The following ABCC6 variants were observed in gnomAD, a reference collection of about 807,000 sequenced individuals.
The protein encoded by ABCC6 is ATP binding cassette subfamily C member 6, also known as ATP-binding cassette sub-family C member 6.
A neutral mutation model predicts 169.5 loss-of-function variants in ABCC6; 126 were observed. That is an observed-to-expected ratio of 0.74 (90% CI 0.64 to 0.86). ABCC6 has a LOEUF of 0.86. ABCC6 is among the 40% of genes least tolerant of loss of function. The probability of loss-of-function intolerance (pLI) is 0.00; values close to 1 mark genes in which losing one functional copy is unlikely to be tolerated. For missense variants in ABCC6, 1,733 were observed against 1,927.2 expected (o/e 0.90, Z 1.89); for synonymous variants, 752 against 814.7 (o/e 0.92, Z 1.31).
Position 16,150,693 on chromosome 16 carries a change from C to G in ABCC6, c.4288G>C (p.Ala1430Pro). Reference sequence around the variant, plus strand: ...AGCTCCGTGCCAGGGTCCACGGCAGCAGTAGCCTCGTCCAGGATGAGGATC... The same window carrying G: ...AGCTCCGTGCCAGGGTCCACGGCAGGAGTAGCCTCGTCCAGGATGAGGATC... ...TQILILDEAT[A>P]AVDPGTELQM... The change falls in exon 30 of 31, where the codon GCT becomes CCT. Residue 1430 changes from alanine to proline, a missense_variant. Transcript: ENST00000205557. 1 of 1,613,824 alleles carries G rather than the reference C, an allele frequency of 6.2e-7. No individual in the cohort carries two copies. The highest frequency in any genetic ancestry group is 8.5e-7 in the Non-Finnish European group (1 of 1,179,974).
chr16:16,175,749 G>T, intron 20 of ABCC6, 162 bp downstream of exon 20: 1 of 260,090 alleles, frequency 3.8e-6, no homozygotes, highest in Non-Finnish European at 5.7e-6. Flanking sequence ...GACCAATTTT[G>T]GTAAATTATC....
rs1231156562 is a variant in ABCC6 at position 16,182,542 on chromosome 16, G to T, written c.2117C>A (p.Ser706Tyr). 1 of 1,614,046 alleles carries T rather than the reference G, an allele frequency of 6.2e-7. No individual in the cohort carries two copies. Among genetic ancestry groups the T allele is most frequent in the Non-Finnish European group, 8.5e-7 (1 of 1,179,948 alleles). Residue 706 changes from serine (S) to tyrosine (Y), a missense_variant, in exon 17 of 31, where the codon TCT becomes TAT. Around this residue, in one of 5 missense-constraint regions of ABCC6, gnomAD observed 1,601 missense variants for 1,635.5 expected, o/e 0.98. Coordinates refer to ENST00000205557, the MANE Select transcript of ABCC6 (RefSeq NM_001171.6). The stretch of plus-strand genomic sequence containing the variant: ...CCCGAAGCACACATTCTCTACCACA[G>T]AGGTGTTCTGCACCCAGGCCTCCTG... ...VPQEAWVQNT[S>Y]VVENVCFGQE...
chr16:16,177,706 G>A (rs2047328437), intron 18 of ABCC6, 80 bp from the exon 19 acceptor site: 2 of 1,541,564 alleles, frequency 1.3e-6, no homozygotes, highest in Non-Finnish European at 1.8e-6. Context: ...ACTTTGGGAA[G>A]CCAAAGCATG....
chr16:16,222,819 A>G (rs2049118072), intron 1 of ABCC6, among the ~76,000 whole-genome samples: 2 of 152,124 alleles, frequency 1.3e-5, no homozygotes, highest in Non-Finnish European at 2.9e-5. Flanking sequence ...CGGCTGTGCA[A>G]ACTTTAACCT....
Position 16,192,852 on chromosome 16 carries a change from G to A in ABCC6, c.1409C>T (p.Ser470Phe). ...AACCTGATGGTGGTTCCTTTTCTTG[G>A]AGATGAAGAAATTCAGAGGGAGGAG... is the stretch of plus-strand genomic sequence containing the variant. ...LSLLPLNFFISKKRNHHQEEQ... is the reference protein window; with the variant it reads ...LSLLPLNFFIFKKRNHHQEEQ... The change falls in exon 11 of 31, where the codon TCC (serine) becomes TTC (phenylalanine). Residue 470 changes from serine to phenylalanine, a missense_variant. Ser to Phe is a radical substitution (Grantham distance 155, BLOSUM62 -2). Coordinates refer to ENST00000205557, the MANE Select transcript of ABCC6 (RefSeq NM_001171.6). 1 of 1,614,122 alleles carries A rather than the reference G, an allele frequency of 6.2e-7. No homozygotes were observed. The highest frequency in any genetic ancestry group is 8.5e-7 in the Non-Finnish European group (1 of 1,180,008).
chr16:16,189,601 A>G (rs925455030), intron 12 of ABCC6, among the ~76,000 whole-genome samples: 1 of 152,000 alleles, frequency 6.6e-6, no homozygotes. Flanking sequence ...TATTTTTAGT[A>G]GAGACAGGGT....
At position 16,150,151 on chromosome 16, in the gene ABCC6, C is replaced by T; in HGVS notation, c.4494G>A (p.Gln1498=). 6.2e-7 allele frequency: 1 copy of T among 1,612,814 alleles called. No individual in the cohort carries two copies. The highest frequency in any genetic ancestry group is 8.5e-7 in the Non-Finnish European group (1 of 1,180,012). The change falls in exon 31 of 31, where the codon CAG becomes CAA. Residue 1498 remains glutamine, a synonymous_variant. Transcript: ENST00000205557. ...AQKGLFYRLA[Q]ESGLV is the part of the protein sequence containing the mutation. The stretch of plus-strand genomic sequence containing the variant: ...TCCTGGCTCAGACCAGGCCTGACTC[C>T]TGGGCCAGTCTGTAAAACAGGCCCT...
chr16:16,184,781 C>G (rs928949118), intron 15 of ABCC6, among the ~76,000 whole-genome samples, 178 bp downstream of exon 15: 1 of 152,108 alleles, frequency 6.6e-6, no homozygotes. Flanking sequence ...CAGGTCCCCA[C>G]CTTCAGGAGG....
At chr16:16,174,177 G>A (rs150887443) in intron 20 of ABCC6, among the ~76,000 whole-genome samples, 9 of 152,168 alleles carry the variant, frequency 5.9e-5, no homozygotes, top group East Asian at 3.9e-4. Context: ...GGTTTTCCCC[G>A]TACATAGTGA....
Position 16,198,537 on chromosome 16 carries a change from G to T in ABCC6, c.1177-355C>A, listed in dbSNP as rs534352838. ...CACAGCCATGAATGGTACCAAGCAGGCACTACCATATTCATTCCCTCTAAT... is the reference window on the plus strand; with the variant it reads ...CACAGCCATGAATGGTACCAAGCAGTCACTACCATATTCATTCCCTCTAAT... On this transcript the variant is annotated intron_variant, in intron 9 of 30. Coordinates refer to ENST00000205557, the MANE Select transcript of ABCC6 (RefSeq NM_001171.6). 2.0e-4 allele frequency among the ~76,000 whole-genome samples: 31 copies of T among 152,088 alleles called. No individual in the cohort carries two copies. In the East Asian group the frequency reaches 5.6e-3, roughly 27 times the overall value.
intron 17 of ABCC6, among the ~76,000 whole-genome samples, chr16:16,179,375 AT>A (rs1236433082): frequency 6.6e-6 from 1 of 151,770 alleles, no homozygotes; most frequent in Admixed American, 6.6e-5. Flanking sequence ...TTTAGTTTTC[AT>A]TGATATGTAA....
intron 7 of ABCC6, among the ~76,000 whole-genome samples, chr16:16,208,475 C>T (rs971259645): frequency 5.3e-5 from 8 of 151,842 alleles, no homozygotes; most frequent in Admixed American, 1.3e-4. Context: ...TGGGTTCAAA[C>T]GATTCTCCTG....
chr16:16,150,864 C>G (rs1332182698), intron 29 of ABCC6, 92 bp from the exon 30 acceptor site: 27 of 1,549,390 alleles, frequency 1.7e-5, no homozygotes, highest in Non-Finnish European at 8.7e-7. Context: ...TGAAGCAGTG[C>G]AGGAGTGAGG....
chr16:16,205,657 C>T (rs2048371614), intron 7 of ABCC6, among the ~76,000 whole-genome samples: 1 of 152,084 alleles, frequency 6.6e-6, no homozygotes, highest in South Asian at 2.1e-4. Flanking sequence ...CATCCCTGCC[C>T]ACCCTTTCCT....
At chr16:16,190,490 CCT>C in intron 11 of ABCC6, 123 bp from the exon 12 acceptor site, 1 of 984,492 alleles carries the variant, frequency 1.0e-6, no homozygotes, top group Non-Finnish European at 1.6e-6. Flanking sequence ...AACCTGTCTG[CCT>C]CTCAGCACCT....
chr16:16,184,227 AGAAC>A, intron 15 of ABCC6: 6 of 145,072 alleles, frequency 4.1e-5, no homozygotes, highest in South Asian at 7.8e-5. Context: ...AAAAAAAAAA[AGAAC>A]AGCTCTTCTC....
At chr16:16,155,535 A>G (rs952767202) in intron 27 of ABCC6, 9 of 165,592 alleles carry the variant, frequency 5.4e-5, no homozygotes, top group Admixed American at 2.3e-4. Flanking sequence ...TCATCCATCA[A>G]TTCACTAATC....
At chr16:16,172,548 A>T (rs1188043809) in intron 21 of ABCC6, among the ~76,000 whole-genome samples, 4 of 136,236 alleles carry the variant, frequency 2.9e-5, no homozygotes, top group African/African-American at 1.1e-4. Flanking sequence ...TGGATAAATG[A>T]GTGGGTGGGA....
chr16:16,215,490 T>C (rs1487155630), intron 4 of ABCC6, among the ~76,000 whole-genome samples: 1 of 151,054 alleles, frequency 6.6e-6, no homozygotes, highest in East Asian at 1.9e-4. Context: ...TTTTTTTTTT[T>C]TGAGACGGAG....
Sources: gnomAD v4.1 joint callset for allele counts (sites outside exome capture counted in the v4.1 genomes callset) on GRCh38, gnomAD v4.1.1 for gene constraint, gnomAD v4.1.1 regional missense constraint, MANE v1.5 for transcripts, NCBI Gene and HGNC (gene_info 2026-07-23, HGNC 2026-07-21) for gene names.